Variants in PCNP observed in about 807,000 individuals in gnomAD.
PCNP encodes the protein PEST proteolytic signal-containing nuclear protein.
PCNP carries 6 observed loss-of-function variants against 21.8 expected under a neutral mutation model. That is an observed-to-expected ratio of 0.28 (90% CI 0.15 to 0.54). The LOEUF (loss-of-function observed/expected upper bound fraction) is 0.54. Among genes scored for constraint, PCNP ranks in the 20% least tolerant of loss-of-function variants. The probability of loss-of-function intolerance (pLI) is 0.95; values close to 1 mark genes in which losing one functional copy is unlikely to be tolerated. For synonymous variants in PCNP, 67 were observed against 73.2 expected (o/e 0.92, Z 0.43); for missense variants, 161 against 215.5 (o/e 0.75, Z 1.58).
At chr3:101,580,281 G>T (rs117592412) in intron 2 of PCNP, among the ~76,000 whole-genome samples, 3 of 152,062 alleles carry the variant, frequency 2.0e-5, no homozygotes, top group Non-Finnish European at 4.4e-5. Flanking sequence ...ATTTTTCTGC[G>T]TTGGCTGGGC....
chr3:101,585,794 GA>G (rs35592328), intron 3 of PCNP, among the ~76,000 whole-genome samples: 1 of 152,100 alleles, frequency 6.6e-6, no homozygotes, highest in Non-Finnish European at 1.5e-5. Context: ...TCCAAAAAAA[GA>G]AAAATCTAAT....
intron 3 of PCNP, among the ~76,000 whole-genome samples, chr3:101,587,175 G>A (rs1293546707): frequency 6.6e-6 from 1 of 151,918 alleles, no homozygotes; most frequent in East Asian, 1.9e-4. Flanking sequence ...GCTTGAACCT[G>A]GGAGGCAGAG....
chr3:101,590,187 A>G (rs1429509595), intron 3 of PCNP, 28 bp from the exon 4 acceptor site: 1 of 1,315,942 alleles, frequency 7.6e-7, no homozygotes, highest in Non-Finnish European at 1.1e-6. Flanking sequence ...GTATGCAGTT[A>G]TCTTGGTTTA....
chr3:101,581,434 A>T (rs942526330), intron 2 of PCNP, among the ~76,000 whole-genome samples: 58 of 151,236 alleles, frequency 3.8e-4, no homozygotes, highest in African/African-American at 1.4e-3. Context: ...ATATTTATTT[A>T]TTTATTTATT....
chr3:101,574,261 C>T lies in PCNP; in HGVS notation c.46C>T (p.Arg16Ter), dbSNP rs1398374991. ...AGACGAGAAGCCTGAAAAGTCGCAG[C>T]GAGCTGGAGCCGCCGGAGGTGAACA... is the stretch of plus-strand genomic sequence containing the variant. ...AGDEKPEKSQ[R>*]AGAAGGPEEE... Residue 16 changes from arginine (R) to a stop codon, truncating the protein, a stop_gained, in exon 1 of 5, where the codon CGA (arginine) becomes TGA (stop). Coordinates refer to ENST00000265260, the MANE Select transcript of PCNP (RefSeq NM_020357.3). LOFTEE classifies it high-confidence loss of function. The T allele has an allele frequency of 6.5e-7, 1 of 1,546,486 alleles. No homozygotes were observed. Among genetic ancestry groups the T allele is most frequent in the Non-Finnish European group, 8.7e-7 (1 of 1,144,278 alleles).
At chr3:101,586,016 C>G (rs1208416834) in intron 3 of PCNP, among the ~76,000 whole-genome samples, 1 of 151,702 alleles carries the variant, frequency 6.6e-6, no homozygotes, top group Non-Finnish European at 1.5e-5. Flanking sequence ...ACTAAAAATA[C>G]AAAAATTAGA....
intron 2 of PCNP, 82 bp from the exon 3 acceptor site, chr3:101,585,354 TC>T: frequency 1.2e-6 from 1 of 800,940 alleles, no homozygotes; most frequent in Non-Finnish European, 2.0e-6. Flanking sequence ...GTTAAATCAT[TC>T]AAGATAAATT....
intron 1 of PCNP, chr3:101,576,564 G>A: frequency 1.9e-6 from 3 of 1,610,922 alleles, no homozygotes; most frequent in Non-Finnish European, 2.5e-6. Context: ...GGACACGAAG[G>A]CCCCAGAAGT....
intron 1 of PCNP, 143 bp downstream of exon 1, chr3:101,574,422 G>T (rs761101991): frequency 7.5e-6 from 8 of 1,062,960 alleles, no homozygotes; most frequent in Non-Finnish European, 9.0e-6. Flanking sequence ...CCTGCCTCGG[G>T]CACGCCCGAT....
chr3:101,576,964 G>A, intron 1 of PCNP: 1 of 1,194,764 alleles, frequency 8.4e-7, no homozygotes, highest in Non-Finnish European at 1.3e-6. Flanking sequence ...AGCACAAGCG[G>A]CGGCGTGTAG....
intron 1 of PCNP, 84 bp downstream of exon 1, chr3:101,574,363 G>T: frequency 7.5e-7 from 1 of 1,329,570 alleles, no homozygotes; most frequent in Non-Finnish European, 1.0e-6. Flanking sequence ...GTGGGGTGGG[G>T]CGAGAATGGG....
chr3:101,581,402 C>CT (rs1289401596), intron 2 of PCNP, among the ~76,000 whole-genome samples: 3 of 151,042 alleles, frequency 2.0e-5, no homozygotes, highest in East Asian at 1.9e-4. Flanking sequence ...AATCCCTACT[C>CT]TTTTTTTTAA....
At chr3:101,583,548 C>T (rs1044531279) in intron 2 of PCNP, among the ~76,000 whole-genome samples, 6 of 151,954 alleles carry the variant, frequency 3.9e-5, no homozygotes, top group African/African-American at 9.7e-5. Context: ...CCAGGGAGGT[C>T]GAGGCTGCAG....
chr3:101,585,400 T>C (rs746552476), intron 2 of PCNP, 37 bp from the exon 3 acceptor site: 6 of 1,144,662 alleles, frequency 5.2e-6, no homozygotes, highest in East Asian at 4.7e-5. Flanking sequence ...ATAAATGTTA[T>C]CTACATGATA....
intron 2 of PCNP, among the ~76,000 whole-genome samples, chr3:101,582,539 A>T (rs1430650524): frequency 6.6e-6 from 1 of 152,232 alleles, no homozygotes; most frequent in Non-Finnish European, 1.5e-5. Flanking sequence ...TGGATTGATT[A>T]TGTGAAGATA....
rs937609791 is a variant in PCNP at position 101,593,795 on chromosome 3, A to T, written c.*1042A>T. On this transcript the variant is annotated 3_prime_UTR_variant, in exon 5 of 5. Transcript: ENST00000265260. ...TATGGTTTATTTTAAATGCGTACATATTGACCAATGGCCTCTGAAAAAGCA... is the reference window on the plus strand; with the variant it reads ...TATGGTTTATTTTAAATGCGTACATTTTGACCAATGGCCTCTGAAAAAGCA... The T allele has an allele frequency of 6.6e-6, 1 of 152,634 alleles. No individual in the cohort carries two copies. Among genetic ancestry groups the T allele is most frequent in the African/African-American group, 2.4e-5 (1 of 41,458 alleles). 9.5% of individuals were successfully genotyped at this position (152,634 alleles called of 1,614,324 possible).
At chr3:101,576,656 C>T in intron 1 of PCNP, 3 of 1,611,922 alleles carry the variant, frequency 1.9e-6, no homozygotes, top group East Asian at 2.2e-5. Context: ...TTGGCTAGGA[C>T]CTGGCTATAT....
chr3:101,590,941 T>A (rs1240814383), intron 4 of PCNP, among the ~76,000 whole-genome samples: 2 of 151,816 alleles, frequency 1.3e-5, no homozygotes, highest in South Asian at 2.1e-4. Context: ...CTTCATTTTT[T>A]AAAAAAATTT....
At chr3:101,577,006 T>C (rs1162676846) in intron 1 of PCNP, 2 of 826,786 alleles carry the variant, frequency 2.4e-6, no homozygotes, top group Admixed American at 3.4e-5. Flanking sequence ...TTTGTATTTT[T>C]AGTAGAGACG....
Sources: gnomAD v4.1 joint callset for allele counts (sites outside exome capture counted in the v4.1 genomes callset) on GRCh38, gnomAD v4.1.1 for gene constraint, MANE v1.5 for transcripts, NCBI Gene and HGNC (gene_info 2026-07-23, HGNC 2026-07-21) for gene names.